SPAG9: variants seen among roughly 807,000 people sequenced by gnomAD.
SPAG9 encodes the protein sperm associated antigen 9.
In SPAG9, 35 loss-of-function variants were observed where a neutral mutation model predicts 166.5. The ratio of observed to expected loss-of-function variants is 0.21; its 90% CI spans 0.16 to 0.28. SPAG9 has a LOEUF of 0.28. Ranked by LOEUF, SPAG9 falls within the 10% of genes least tolerant of loss-of-function variation. The pLI, the probability that SPAG9 is intolerant of heterozygous loss-of-function variation, is 1.00. For synonymous variants in SPAG9, 534 were observed against 565.5 expected, an observed-to-expected ratio of 0.94 and a Z score of 0.79; for missense variants, 1,235 against 1,603.3, an observed-to-expected ratio of 0.77 and a Z score of 3.92.
intron 1 of SPAG9, among the ~76,000 whole-genome samples, chr17:51,114,305 C>T (rs1035636225): frequency 4.0e-5 from 6 of 151,778 alleles, no homozygotes; most frequent in African/African-American, 1.5e-4. Context: ...CCAGCCTGGG[C>T]GACAGCACAA....
chr17:51,087,860 T>C (rs745775648), intron 1 of SPAG9, among the ~76,000 whole-genome samples: 3 of 152,078 alleles, frequency 2.0e-5, no homozygotes, highest in Non-Finnish European at 4.4e-5. Flanking sequence ...CTCAGCCTTC[T>C]GAGTAGCTGG....
chr17:51,022,367 A>G (rs2045973595), intron 6 of SPAG9, among the ~76,000 whole-genome samples: 1 of 152,160 alleles, frequency 6.6e-6, no homozygotes, highest in Admixed American at 6.5e-5. Flanking sequence ...GGTGAGTTAC[A>G]TACTCATTGA....
intron 24 of SPAG9, among the ~76,000 whole-genome samples, chr17:50,983,386 T>G (rs891828398): frequency 1.7e-4 from 26 of 152,258 alleles, no homozygotes; most frequent in African/African-American, 6.3e-4. Context: ...CTTTGGCATG[T>G]GCTCTGTACC....
intron 25 of SPAG9, 104 bp from the exon 26 acceptor site, chr17:50,980,021 C>G: frequency 1.1e-6 from 1 of 948,214 alleles, no homozygotes; most frequent in East Asian, 2.6e-5. Flanking sequence ...AAGACAAGCC[C>G]AAATATTATA....
chr17:50,976,136 T>A (rs891763575), intron 27 of SPAG9, among the ~76,000 whole-genome samples: 7 of 152,048 alleles, frequency 4.6e-5, no homozygotes, highest in African/African-American at 1.7e-4. Context: ...GTTTTTTTTT[T>A]AAATAATAAA....
intron 1 of SPAG9, among the ~76,000 whole-genome samples, chr17:51,080,294 C>CA (rs1396970947): frequency 2.8e-5 from 4 of 140,414 alleles, no homozygotes; most frequent in African/African-American, 1.0e-4. Context: ...CTCCTTAAAA[C>CA]TTTTTTTTTT....
At position 51,089,123 on chromosome 17, in the gene SPAG9, A is replaced by C. The variant is rs963535552; in HGVS notation, c.304-9419T>G. On this transcript the variant is annotated intron_variant, in intron 1 of 29. Coordinates refer to ENST00000262013, the MANE Select transcript of SPAG9 (RefSeq NM_001130528.3). ...AAAACAAAACAAAACACACACACAC[A>C]AAAAAAAAACAGAAGTTGGGCCAGG... Among the ~76,000 whole-genome samples the C allele has an allele frequency of 2.8e-5, 4 of 144,422 alleles. No individual in the cohort carries two copies. The South Asian group carries it at 6.8e-4, about 24-fold the overall frequency. 94.7% of individuals were successfully genotyped at this position (144,422 alleles called of 152,430 possible).
intron 3 of SPAG9, among the ~76,000 whole-genome samples, chr17:51,055,238 A>C (rs2047330204): frequency 6.6e-6 from 1 of 152,028 alleles, no homozygotes; most frequent in Non-Finnish European, 1.5e-5. Flanking sequence ...CTGTAATCCC[A>C]GTTACTTGGG....
At chr17:51,023,783 G>C (rs914464573) in intron 6 of SPAG9, among the ~76,000 whole-genome samples, 1 of 152,026 alleles carries the variant, frequency 6.6e-6, no homozygotes, top group Non-Finnish European at 1.5e-5. Flanking sequence ...TCGTGCCTCA[G>C]TCCCCTGAGC....
At chr17:51,070,962 T>C (rs1009801873) in intron 2 of SPAG9, among the ~76,000 whole-genome samples, 9 of 152,118 alleles carry the variant, frequency 5.9e-5, no homozygotes, top group South Asian at 2.1e-4. Context: ...CTTATGATAA[T>C]GTTAAGGAAA....
chr17:50,975,297 C>G lies in SPAG9; in HGVS notation c.3524-350G>C, dbSNP rs575866433. 3 of 227,636 alleles carry G rather than the reference C, an allele frequency of 1.3e-5. No homozygotes were observed. The South Asian group carries it at 2.1e-4, about 16-fold the overall frequency. 14.1% of individuals were successfully genotyped at this position (227,636 alleles called of 1,614,324 possible). On this transcript the variant is annotated intron_variant, in intron 27 of 29. Transcript: ENST00000262013. ...TTAATGCACATGTTAGAAAACTAAC[C>G]ATTATACAGTTTAAAGTAAATGGGT...
chr17:51,102,311 C>T (rs543417031), intron 1 of SPAG9, among the ~76,000 whole-genome samples: 1 of 149,704 alleles, frequency 6.7e-6, no homozygotes, highest in Non-Finnish European at 1.5e-5. Flanking sequence ...GGCTGAGGCA[C>T]GAGAATCGCT....
intron 2 of SPAG9, among the ~76,000 whole-genome samples, chr17:51,070,801 C>T (rs12950590): frequency 0.24 from 36,268 of 152,018 alleles, 5,166 homozygotes; most frequent in Admixed American, 0.34. Context: ...TGGTAAAAAA[C>T]ACAGTGGCCA....
At chr17:51,069,396 T>A (rs1278347575) in intron 2 of SPAG9, among the ~76,000 whole-genome samples, 1 of 152,100 alleles carries the variant, frequency 6.6e-6, no homozygotes, top group Non-Finnish European at 1.5e-5. Context: ...TAAAGTTTTG[T>A]ACAAGCCTGA....
chr17:51,031,852 G>C, intron 5 of SPAG9, 130 bp from the exon 6 acceptor site: 1 of 756,354 alleles, frequency 1.3e-6, no homozygotes, highest in Middle Eastern at 2.2e-4. Context: ...TTTAAAATGA[G>C]GGTTTGGAAG....
At chr17:51,002,578 G>A (rs1223824620) in intron 12 of SPAG9, among the ~76,000 whole-genome samples, 2 of 151,934 alleles carry the variant, frequency 1.3e-5, no homozygotes, top group African/African-American at 4.8e-5. Flanking sequence ...AGCTTAGTTT[G>A]AGACCAGCCT....
intron 4 of SPAG9, among the ~76,000 whole-genome samples, chr17:51,043,606 T>C (rs1333964833): frequency 6.6e-6 from 1 of 152,186 alleles, no homozygotes; most frequent in East Asian, 1.9e-4. Context: ...TTTCCCCCCA[T>C]ATTTTGTGAA....
At chr17:51,037,689 T>TATATATATATATATATA (rs1568028348) in intron 5 of SPAG9, among the ~76,000 whole-genome samples, 99 of 82,596 alleles carry the variant, frequency 1.2e-3, no homozygotes, top group African/African-American at 3.8e-3. Context: ...ATATATAGTG[T>TATATATATATATATATA]GTGTGTGTGT....
intron 1 of SPAG9, among the ~76,000 whole-genome samples, chr17:51,096,054 GATATAT>G (rs1205885218): frequency 2.9e-5 from 4 of 135,630 alleles, no homozygotes; most frequent in Non-Finnish European, 6.3e-5. Context: ...TATATATAGT[GATATAT>G]ATATATATAT....
Sources: gnomAD v4.1 joint callset for allele counts (sites outside exome capture counted in the v4.1 genomes callset) on GRCh38, gnomAD v4.1.1 for gene constraint, MANE v1.5 for transcripts, NCBI Gene and HGNC (gene_info 2026-07-23, HGNC 2026-07-21) for gene names.